The following UBP1 variants were observed in gnomAD, a reference collection of about 807,000 sequenced individuals.
The protein encoded by UBP1 is upstream-binding protein 1.
A neutral mutation model predicts 76.1 loss-of-function variants in UBP1; 22 were observed. That is an observed-to-expected ratio of 0.29 (90% CI 0.21 to 0.41). The LOEUF is 0.41. Among genes scored for constraint, UBP1 ranks in the 10% least tolerant of loss-of-function variants. The pLI is 1.00. For synonymous variants in UBP1, 224 were observed against 237.1 expected (o/e 0.94, Z 0.51); for missense variants, 436 against 668.1 (o/e 0.65, Z 3.83).
chr3:33,416,344 G>A (rs775255220), intron 3 of UBP1, among the ~76,000 whole-genome samples: 2 of 152,126 alleles, frequency 1.3e-5, no homozygotes, highest in Non-Finnish European at 2.9e-5. Flanking sequence ...CCTATACCTA[G>A]GATGACTGAC....
chr3:33,425,996 AATATATATATATATATATATATAT>A lies in UBP1; in HGVS notation c.114-279_114-256del, dbSNP rs60739079. On this transcript the variant is annotated intron_variant, in intron 1 of 15. Transcript: ENST00000283629. ...GGGGGAGGGCGGCAGGGCAGCTCTG[AATATATATATATATATATATATAT>A]ATATATATATATATATATAGCACTT... is the stretch of plus-strand genomic sequence containing the variant. Among the ~76,000 whole-genome samples, 462 of 55,134 alleles carry A rather than the reference AATATATATATATATATATATATAT, an allele frequency of 8.4e-3. 17 individuals carry two copies. The highest frequency in any genetic ancestry group is 0.011 in the Non-Finnish European group (322 of 29,970). 36.2% of individuals were successfully genotyped at this position (55,134 alleles called of 152,430 possible). A position where few individuals can be genotyped will look rare whatever the true frequency, so the allele number is the denominator to read the frequency against.
intron 15 of UBP1, chr3:33,392,274 T>C: frequency 3.3e-6 from 1 of 303,326 alleles, no homozygotes; most frequent in Non-Finnish European, 6.0e-6. Flanking sequence ...TTCTGTTTTA[T>C]TCAATAGATC....
intron 1 of UBP1, among the ~76,000 whole-genome samples, chr3:33,430,653 G>A (rs1370650373): frequency 6.6e-6 from 1 of 152,160 alleles, no homozygotes; most frequent in African/African-American, 2.4e-5. Flanking sequence ...ATTCTTGCTA[G>A]ACAGTCTTGT....
chr3:33,423,245 G>A (rs2044948648), intron 2 of UBP1, among the ~76,000 whole-genome samples: 1 of 151,994 alleles, frequency 6.6e-6, no homozygotes, highest in South Asian at 2.1e-4. Flanking sequence ...TCACCATGTT[G>A]GCCAGGATGC....
At position 33,397,063 on chromosome 3, in the gene UBP1, T is replaced by C. The variant is rs760103960; in HGVS notation, c.1253A>G (p.Tyr418Cys). 1.3e-6 allele frequency: 2 copies of C among 1,599,730 alleles called. No homozygotes were observed. Among genetic ancestry groups the C allele is most frequent in the Non-Finnish European group, 1.7e-6 (2 of 1,174,332 alleles). The part of the protein sequence containing the change: ...ICGAADGIRL[Y>C]NSLKSRSVRP... ...ATTTTACCTTGACTTCAGTGAATTA[T>C]AGAGCCGAATTCCATCGGCTGCACC... The change falls in exon 12 of 16, where the codon TAT becomes TGT. Residue 418 changes from tyrosine to cysteine, a missense_variant. Physicochemically the swap from Tyr to Cys is radical, Grantham distance 194. Around this residue, in one of 3 missense-constraint regions of UBP1, gnomAD observed 210 missense variants for 272.8 expected, o/e 0.77. Transcript: ENST00000283629.
chr3:33,410,574 G>C (rs113723942), intron 5 of UBP1, among the ~76,000 whole-genome samples: 23 of 152,294 alleles, frequency 1.5e-4, no homozygotes, highest in Admixed American at 9.8e-4. Context: ...TATGAAGGCT[G>C]GTCAGCAAGT....
chr3:33,402,963 T>G (rs1471041242), intron 8 of UBP1, 59 bp from the exon 9 acceptor site: 14 of 1,429,692 alleles, frequency 9.8e-6, no homozygotes, highest in Non-Finnish European at 1.3e-5. Context: ...GGAAGAAATA[T>G]TTTTGTAATT....
At chr3:33,405,187 G>A (rs946850605) in intron 8 of UBP1, among the ~76,000 whole-genome samples, 1 of 151,800 alleles carries the variant, frequency 6.6e-6, no homozygotes, top group African/African-American at 2.4e-5. Context: ...AAATAAATAA[G>A]AAAAAAATTT....
At position 33,393,473 on chromosome 3, in the gene UBP1, A is replaced by T. The variant is rs772271929; in HGVS notation, c.1391-19T>A. 1 of 1,594,488 alleles carries T rather than the reference A, an allele frequency of 6.3e-7. No individual in the cohort carries two copies. The highest frequency in any genetic ancestry group is 1.2e-5 in the South Asian group (1 of 86,522). Reference sequence around the variant, plus strand: ...TGATAAACTGAAATTAAAAAAAAAAAAAGAAAAGCATTTTAACAGTAATCT... The same window carrying T: ...TGATAAACTGAAATTAAAAAAAAAATAAGAAAAGCATTTTAACAGTAATCT... On this transcript the variant is annotated intron_variant, in intron 13 of 15. Transcript: ENST00000283629.
intron 4 of UBP1, 89 bp downstream of exon 4, chr3:33,412,633 A>C: frequency 3.4e-6 from 3 of 872,032 alleles, no homozygotes; most frequent in Non-Finnish European, 5.6e-6. Context: ...CTTTCCCCAC[A>C]CAAGTAATTC....
intron 2 of UBP1, among the ~76,000 whole-genome samples, chr3:33,423,502 T>A (rs1185098200): frequency 6.6e-6 from 1 of 152,096 alleles, no homozygotes; most frequent in Admixed American, 6.5e-5. Context: ...GTAAGCAGAA[T>A]AAAGGACAAG....
chr3:33,427,639 T>A (rs12631790), intron 1 of UBP1, among the ~76,000 whole-genome samples: 39,372 of 152,060 alleles, frequency 0.26, 6,020 homozygotes, highest in East Asian at 0.47. Flanking sequence ...GAGAACGTTA[T>A]CCCACCAGTA....
chr3:33,423,262 T>A lies in UBP1; in HGVS notation c.265+2328A>T, dbSNP rs572879275. Among the ~76,000 whole-genome samples the A allele has an allele frequency of 1.8e-3, 276 of 152,164 alleles. 2 individuals carry two copies. Among genetic ancestry groups the A allele is most frequent in the African/African-American group, 6.4e-3 (264 of 41,512 alleles). ...ACCATGTTGGCCAGGATGCTCTTGA[T>A]CTCCTGACCTCATGGATCCGCCCAC... On this transcript the variant is annotated intron_variant, in intron 2 of 15. Coordinates refer to ENST00000283629, the MANE Select transcript of UBP1 (RefSeq NM_014517.5).
intron 1 of UBP1, among the ~76,000 whole-genome samples, chr3:33,434,454 T>C (rs930791121): frequency 2.8e-4 from 43 of 151,248 alleles, no homozygotes; most frequent in African/African-American, 1.0e-3. Flanking sequence ...TGCGCTACCA[T>C]GCCCAGCTAA....
At chr3:33,426,833 G>C (rs889518232) in intron 1 of UBP1, among the ~76,000 whole-genome samples, 3 of 152,102 alleles carry the variant, frequency 2.0e-5, no homozygotes, top group African/African-American at 7.2e-5. Flanking sequence ...ATGGCCATCT[G>C]GGTGGTTTCC....
chr3:33,403,854 T>C (rs1448417885), intron 8 of UBP1, among the ~76,000 whole-genome samples: 1 of 152,202 alleles, frequency 6.6e-6, no homozygotes, highest in African/African-American at 2.4e-5. Flanking sequence ...TAAAAACCAA[T>C]GGATCTGAGG....
At chr3:33,397,900 G>A (rs2044070441) in intron 11 of UBP1, 1 of 151,862 alleles carries the variant, frequency 6.6e-6, no homozygotes, top group South Asian at 2.1e-4. Flanking sequence ...TTACATATAA[G>A]TATAAAAAAG....
At chr3:33,411,467 A>C in intron 5 of UBP1, 114 bp downstream of exon 5, 1 of 896,092 alleles carries the variant, frequency 1.1e-6, no homozygotes, top group South Asian at 1.6e-5. Context: ...GAAAGACACT[A>C]CAACATAGTT....
In UBP1 at chr3:33,409,209, C is replaced by T. The variant is rs538241621; in HGVS notation, c.819+27G>A. 9.3e-6 allele frequency: 15 copies of T among 1,608,374 alleles called. 1 individual carries two copies. The South Asian group carries it at 1.5e-4, about 17-fold the overall frequency. ...CTAATATGCAACCTTTGCTTCTCTT[C>T]CAAAACCAAATGCTTTACTACATTA... On this transcript the variant is annotated intron_variant, in intron 7 of 15. Coordinates refer to ENST00000283629, the MANE Select transcript of UBP1 (RefSeq NM_014517.5).
Sources: allele counts gnomAD v4.1 joint callset (sites outside exome capture counted in the v4.1 genomes callset), GRCh38; gene constraint gnomAD v4.1.1; regional missense constraint gnomAD v4.1.1; transcripts MANE v1.5; gene names NCBI Gene and HGNC (gene_info 2026-07-23, HGNC 2026-07-21).